PTPRJ: variants seen among roughly 807,000 people sequenced by gnomAD.
The protein encoded by PTPRJ is protein tyrosine phosphatase receptor type J, also known as receptor-type tyrosine-protein phosphatase eta.
Under a neutral mutation model 141.3 loss-of-function variants are expected in PTPRJ, and 129 were observed. The observed-to-expected ratio is 0.91, with a 90% CI of 0.79 to 1.06. The LOEUF (loss-of-function observed/expected upper bound fraction) is 1.06. PTPRJ is among the 50% of genes least tolerant of loss of function. The pLI, the probability that PTPRJ is intolerant of heterozygous loss-of-function variation, is 0.00. For missense variants in PTPRJ, 1,601 were observed against 1,679.7 expected (o/e 0.95, Z 0.82); for synonymous variants, 610 against 640.5 (o/e 0.95, Z 0.72).
chr11:48,164,553 C>T (rs748613872), intron 24 of PTPRJ, 38 bp downstream of exon 24: 4 of 1,481,412 alleles, frequency 2.7e-6, no homozygotes, highest in Non-Finnish European at 3.6e-6. Flanking sequence ...CCACCCTTCC[C>T]CTCCATTTTT....
Position 47,980,900 on chromosome 11 carries a change from G to A in PTPRJ, c.-13G>A, listed in dbSNP as rs1853883300. 1 of 1,149,544 alleles carries A rather than the reference G, an allele frequency of 8.7e-7. No individual in the cohort carries two copies. 71.2% of individuals were successfully genotyped at this position (1,149,544 alleles called of 1,614,324 possible). A position where few individuals can be genotyped will look rare whatever the true frequency, so the allele number is the denominator to read the frequency against. On this transcript the variant is annotated 5_prime_UTR_variant, in exon 1 of 25. Transcript: ENST00000418331. Reference sequence around the variant, plus strand: ...ATTCGCGCGTCCGGGGCACGTTCCAGGGCGCGCGGGGCATGAAGCCGGCGG... The same window carrying A: ...ATTCGCGCGTCCGGGGCACGTTCCAAGGCGCGCGGGGCATGAAGCCGGCGG...
intron 1 of PTPRJ, among the ~76,000 whole-genome samples, chr11:47,994,805 T>C (rs1590389382): frequency 6.6e-6 from 1 of 152,238 alleles, no homozygotes; most frequent in South Asian, 2.1e-4. Flanking sequence ...TATTTTGTAA[T>C]GTTTTTTGAA....
chr11:48,042,365 G>A (rs977678335), intron 1 of PTPRJ, among the ~76,000 whole-genome samples: 1 of 152,130 alleles, frequency 6.6e-6, no homozygotes, highest in African/African-American at 2.4e-5. Context: ...GGGCCAGCAC[G>A]TGGTGTATTT....
At chr11:48,120,792 T>G (rs1856684980) in intron 3 of PTPRJ, among the ~76,000 whole-genome samples, 2 of 152,174 alleles carry the variant, frequency 1.3e-5, no homozygotes, top group East Asian at 1.9e-4. Context: ...GTTTTGCTTC[T>G]GTTCCAAAGG....
At chr11:48,093,814 G>T (rs1044409519) in intron 1 of PTPRJ, among the ~76,000 whole-genome samples, 2 of 151,034 alleles carry the variant, frequency 1.3e-5, no homozygotes, top group East Asian at 1.9e-4. Flanking sequence ...AAAAGAAAAA[G>T]AAAAAGACAA....
At chr11:48,099,358 G>A (rs1856095645) in intron 1 of PTPRJ, among the ~76,000 whole-genome samples, 1 of 152,246 alleles carries the variant, frequency 6.6e-6, no homozygotes, top group Admixed American at 6.5e-5. Context: ...TGAAAATTAT[G>A]TAAAATATAC....
At chr11:48,116,126 G>C (rs73468810) in intron 3 of PTPRJ, among the ~76,000 whole-genome samples, 2,343 of 148,630 alleles carry the variant, frequency 0.016, 71 homozygotes, top group African/African-American at 0.054. Flanking sequence ...TAGAGTGCGT[G>C]AATGGGTTAA....
intron 2 of PTPRJ, among the ~76,000 whole-genome samples, chr11:48,110,982 T>C (rs1856422788): frequency 6.6e-6 from 1 of 152,186 alleles, no homozygotes; most frequent in South Asian, 2.1e-4. Context: ...AAAACATTTC[T>C]ATAAGAATTG....
At chr11:47,985,574 C>A (rs985760818) in intron 1 of PTPRJ, among the ~76,000 whole-genome samples, 4 of 152,160 alleles carry the variant, frequency 2.6e-5, no homozygotes, top group Admixed American at 2.6e-4. Flanking sequence ...CGTGGCGGAG[C>A]CAGGGCTGAT....
intron 5 of PTPRJ, 84 bp from the exon 6 acceptor site, chr11:48,124,884 C>A: frequency 7.7e-7 from 1 of 1,304,620 alleles, no homozygotes; most frequent in Non-Finnish European, 1.1e-6. Flanking sequence ...TGATGGCCAT[C>A]TGATGGGGTT....
chr11:48,057,444 A>AATG (rs756528208), intron 1 of PTPRJ, among the ~76,000 whole-genome samples: 9 of 152,156 alleles, frequency 5.9e-5, no homozygotes, highest in Non-Finnish European at 1.3e-4. Flanking sequence ...AGTCTTGGAG[A>AATG]ATGCAGCTTA....
chr11:48,034,065 C>G (rs556656357), intron 1 of PTPRJ, among the ~76,000 whole-genome samples: 1 of 152,328 alleles, frequency 6.6e-6, no homozygotes, highest in Non-Finnish European at 1.5e-5. Context: ...GTCCTTCTCA[C>G]TTGGGTGGAA....
At chr11:48,099,200 G>A (rs112396574) in intron 1 of PTPRJ, among the ~76,000 whole-genome samples, 38 of 152,324 alleles carry the variant, frequency 2.5e-4, no homozygotes, top group African/African-American at 8.4e-4. Flanking sequence ...GTAAATGGAT[G>A]ATTCAGGGGA....
At chr11:48,101,821 A>G (rs1296412859) in intron 1 of PTPRJ, among the ~76,000 whole-genome samples, 1 of 152,218 alleles carries the variant, frequency 6.6e-6, no homozygotes, top group Non-Finnish European at 1.5e-5. Flanking sequence ...ATTTAAGTGC[A>G]TGCAGCCAGA....
chr11:48,136,012 C>T, intron 8 of PTPRJ, 27 bp from the exon 9 acceptor site: 1 of 1,603,006 alleles, frequency 6.2e-7, no homozygotes, highest in African/African-American at 1.3e-5. Flanking sequence ...TAACAGTTTT[C>T]CCTTCTCCTT....
chr11:48,146,167 A>G (rs1389395198), intron 14 of PTPRJ, among the ~76,000 whole-genome samples: 3 of 152,204 alleles, frequency 2.0e-5, no homozygotes, highest in Non-Finnish European at 2.9e-5. Flanking sequence ...TTTAAGGCCT[A>G]GAGAGGGGAA....
chr11:47,998,141 C>T (rs768153621), intron 1 of PTPRJ, among the ~76,000 whole-genome samples: 27 of 150,868 alleles, frequency 1.8e-4, no homozygotes, highest in South Asian at 2.1e-4. Context: ...TTTTTTAACC[C>T]GAATTTCATG....
At chr11:48,085,259 C>CT (rs35669006) in intron 1 of PTPRJ, among the ~76,000 whole-genome samples, 4,752 of 147,170 alleles carry the variant, frequency 0.032, 235 homozygotes, top group African/African-American at 0.11. Context: ...ATCTCTCTCA[C>CT]TTTTTTTTTT....
At chr11:48,060,811 G>A (rs566355439) in intron 1 of PTPRJ, among the ~76,000 whole-genome samples, 1 of 152,204 alleles carries the variant, frequency 6.6e-6, no homozygotes, top group Admixed American at 6.5e-5. Context: ...GCTTCTTAGC[G>A]GGCCTCTGAA....
Sources: allele counts gnomAD v4.1 joint callset (sites outside exome capture counted in the v4.1 genomes callset), GRCh38; gene constraint gnomAD v4.1.1; transcripts MANE v1.5; gene names NCBI Gene and HGNC (gene_info 2026-07-23, HGNC 2026-07-21).